The following SNX6 variants were observed in gnomAD, a reference collection of about 807,000 sequenced individuals.
SNX6 encodes sorting nexin-6.
In SNX6, 34 loss-of-function variants were observed where a neutral mutation model predicts 63.0. That is an observed-to-expected ratio of 0.54 (90% CI 0.41 to 0.72). SNX6 has a LOEUF of 0.72. SNX6 is among the 30% of genes least tolerant of loss of function. SNX6 has a pLI of 0.00. For synonymous variants in SNX6, 170 were observed against 164.2 expected, an observed-to-expected ratio of 1.04 and a Z score of -0.27; for missense variants, 398 against 471.4, an observed-to-expected ratio of 0.84 and a Z score of 1.44.
At chr14:34,613,383 T>G (rs1472841935) in intron 2 of SNX6, among the ~76,000 whole-genome samples, 1 of 152,230 alleles carries the variant, frequency 6.6e-6, no homozygotes, top group Non-Finnish European at 1.5e-5. Context: ...AACTAGTTCA[T>G]TTATCATACA....
intron 2 of SNX6, among the ~76,000 whole-genome samples, chr14:34,610,730 A>G (rs1289259155): frequency 6.6e-6 from 1 of 152,022 alleles, no homozygotes; most frequent in Non-Finnish European, 1.5e-5. Context: ...TGTTTTTCTT[A>G]CTCTTTAAAC....
intron 2 of SNX6, among the ~76,000 whole-genome samples, chr14:34,626,466 A>G (rs1883827533): frequency 6.6e-6 from 1 of 151,592 alleles, no homozygotes; most frequent in African/African-American, 2.4e-5. Flanking sequence ...CATCCTGGCT[A>G]ACAAGGTGAA....
intron 6 of SNX6, among the ~76,000 whole-genome samples, chr14:34,599,479 C>A (rs542336665): frequency 6.6e-6 from 1 of 151,924 alleles, no homozygotes; most frequent in African/African-American, 2.4e-5. Context: ...TCGTGGCATC[C>A]GCCTATAATC....
At chr14:34,612,741 T>C (rs1883278969) in intron 2 of SNX6, among the ~76,000 whole-genome samples, 2 of 151,562 alleles carry the variant, frequency 1.3e-5, no homozygotes, top group South Asian at 2.1e-4. Flanking sequence ...GCCAGGACAT[T>C]ATCCTTATAT....
At chr14:34,615,682 T>C (rs959469491) in intron 2 of SNX6, among the ~76,000 whole-genome samples, 1 of 151,796 alleles carries the variant, frequency 6.6e-6, no homozygotes, top group Non-Finnish European at 1.5e-5. Context: ...GGTGCAATCA[T>C]TGCTCACTCT....
intron 2 of SNX6, among the ~76,000 whole-genome samples, chr14:34,612,669 G>A (rs979982013): frequency 4.6e-5 from 7 of 151,802 alleles, no homozygotes; most frequent in Middle Eastern, 3.2e-3. Context: ...CCTGACCTCA[G>A]GTGATCCACC....
At chr14:34,630,003 G>GA in intron 1 of SNX6, 49 bp from the exon 2 acceptor site, 2 of 1,517,342 alleles carry the variant, frequency 1.3e-6, no homozygotes, top group Non-Finnish European at 1.8e-6. Context: ...TGAGATGGGG[G>GA]AGACACAAAG....
At chr14:34,596,956 G>A (rs1466098565) in intron 7 of SNX6, among the ~76,000 whole-genome samples, 1 of 152,172 alleles carries the variant, frequency 6.6e-6, no homozygotes, top group Non-Finnish European at 1.5e-5. Context: ...ACAGGCATGG[G>A]CCACCTTGCC....
chr14:34,606,631 T>C (rs1362398925), intron 4 of SNX6, among the ~76,000 whole-genome samples: 2 of 152,080 alleles, frequency 1.3e-5, no homozygotes, highest in Admixed American at 1.3e-4. Flanking sequence ...TTTGTATTTT[T>C]AGTAGAGATG....
rs1424701491 is a variant in SNX6 at position 34,603,431 on chromosome 14, C to G, written c.433G>C (p.Glu145Gln). The G allele has an allele frequency of 1.2e-6, 2 of 1,606,002 alleles. No homozygotes were observed. The highest frequency in any genetic ancestry group is 1.7e-6 in the Non-Finnish European group (2 of 1,176,118). ...AIFKKTVAMH[E>Q]VFLCRVAAHP... ...GCTGCCACACGACACAGGAACACTT[C>G]ATGCATCGCAACTGTCTTCTTGAAT... is the stretch of plus-strand genomic sequence containing the variant. The change falls in exon 6 of 14, where the codon GAA becomes CAA. Residue 145 changes from glutamate to glutamine, a missense_variant. By Grantham distance (29) the Glu-to-Gln change is conservative. Coordinates refer to ENST00000362031, the MANE Select transcript of SNX6 (RefSeq NM_152233.4).
intron 8 of SNX6, among the ~76,000 whole-genome samples, chr14:34,592,414 C>T (rs936382439): frequency 3.9e-5 from 6 of 151,946 alleles, no homozygotes; most frequent in Admixed American, 1.3e-4. Context: ...AGTGCATGGC[C>T]GGAAAGAATA....
intron 8 of SNX6, among the ~76,000 whole-genome samples, chr14:34,587,045 TAAG>T (rs1457249167): frequency 1.0e-5 from 1 of 96,240 alleles, no homozygotes; most frequent in African/African-American, 3.8e-5. Flanking sequence ...AACTGGAAAA[TAAG>T]AAGTATAACT....
chr14:34,572,134 G>A (rs1208686308), intron 11 of SNX6, among the ~76,000 whole-genome samples: 2 of 152,158 alleles, frequency 1.3e-5, no homozygotes, highest in Admixed American at 1.3e-4. Context: ...AAGTTGGTAT[G>A]TATCTTTGCC....
At chr14:34,590,400 C>G (rs1187074919) in intron 8 of SNX6, among the ~76,000 whole-genome samples, 1 of 147,826 alleles carries the variant, frequency 6.8e-6, no homozygotes, top group Non-Finnish European at 1.5e-5. Flanking sequence ...TGCACTCCAG[C>G]AGCCTGGGCG....
At chr14:34,627,681 G>C (rs1206421199) in intron 2 of SNX6, among the ~76,000 whole-genome samples, 1 of 152,022 alleles carries the variant, frequency 6.6e-6, no homozygotes, top group Non-Finnish European at 1.5e-5. Context: ...GTAGAGACAG[G>C]GTTTCACCAT....
chr14:34,565,077 CTT>C (rs34722757), intron 13 of SNX6, among the ~76,000 whole-genome samples: 67 of 131,188 alleles, frequency 5.1e-4, no homozygotes, highest in Admixed American at 6.2e-4. Context: ...CATGTCATGA[CTT>C]TTTTTTTTTT....
At chr14:34,566,337 C>G (rs1881181943) in intron 13 of SNX6, among the ~76,000 whole-genome samples, 1 of 152,106 alleles carries the variant, frequency 6.6e-6, no homozygotes, top group Admixed American at 6.6e-5. Context: ...CTCAGCCTCC[C>G]AAGTAGCTGG....
chr14:34,630,080 C>T, intron 1 of SNX6, 31 bp downstream of exon 1: 1 of 1,454,006 alleles, frequency 6.9e-7, no homozygotes, highest in South Asian at 1.4e-5. Context: ...CCACCGCGCT[C>T]CCGGGACTCG....
chr14:34,568,834 T>C lies in SNX6; in HGVS notation c.922-821A>G, dbSNP rs878919435. Reference sequence around the variant, plus strand: ...GGCTTGGAGGACCCGGTGGGCCACATTCTTGGAGCCTCGGCTAAAGTGGCC... The same window carrying C: ...GGCTTGGAGGACCCGGTGGGCCACACTCTTGGAGCCTCGGCTAAAGTGGCC... On this transcript the variant is annotated intron_variant, in intron 11 of 13. Coordinates refer to ENST00000362031, the MANE Select transcript of SNX6 (RefSeq NM_152233.4). The C allele has an allele frequency of 4.7e-6, 5 of 1,061,348 alleles. No homozygotes were observed. The African/African-American group carries it at 6.2e-5, about 13-fold the overall frequency. The allele number at this position is 1,061,348 out of a possible 1,614,324, so 65.7% of individuals were successfully genotyped here. A position where few individuals can be genotyped will look rare whatever the true frequency, so the allele number is the denominator to read the frequency against.
Sources: gnomAD v4.1 joint callset for allele counts (sites outside exome capture counted in the v4.1 genomes callset) on GRCh38, gnomAD v4.1.1 for gene constraint, MANE v1.5 for transcripts, NCBI Gene and HGNC (gene_info 2026-07-23, HGNC 2026-07-21) for gene names.